The following NKAIN3 variants were observed in gnomAD, a reference collection of about 807,000 sequenced individuals.
NKAIN3 encodes the protein sodium/potassium-transporting ATPase subunit beta-1-interacting protein 3.
A neutral mutation model predicts 30.2 loss-of-function variants in NKAIN3; 25 were observed. That is an observed-to-expected ratio of 0.83 (90% CI 0.60 to 1.16). The LOEUF is 1.16. Ranked by LOEUF, NKAIN3 falls within the 50% of genes most tolerant of loss-of-function variation. The pLI is 0.00. For synonymous variants in NKAIN3, 91 were observed against 89.6 expected (o/e 1.02, Z -0.09); for missense variants, 225 against 254.1 (o/e 0.89, Z 0.78).
At chr8:62,788,255 T>G (rs1242684748) in intron 4 of NKAIN3, among the ~76,000 whole-genome samples, 1 of 152,248 alleles carries the variant, frequency 6.6e-6, no homozygotes, top group African/African-American at 2.4e-5. Context: ...TGGTATCTCA[T>G]TATGGTTTTG....
chr8:62,453,143 G>A (rs1242821116), intron 1 of NKAIN3, among the ~76,000 whole-genome samples: 1 of 152,124 alleles, frequency 6.6e-6, no homozygotes, highest in Non-Finnish European at 1.5e-5. Context: ...TTAAAAAGAT[G>A]TATATAAACC....
rs1422388834 is a variant in NKAIN3 at position 62,307,320 on chromosome 8, A to G, written c.54+58193A>G. ...TCAATGGAAATCAAGCCAAAATTCT[A>G]TATAAACCCTGTTCCCCTTGTCTCT... is the stretch of plus-strand genomic sequence containing the variant. On this transcript the variant is annotated intron_variant, in intron 1 of 6. Transcript: ENST00000623646. Among the ~76,000 whole-genome samples, 7 of 148,590 alleles carry G rather than the reference A, an allele frequency of 4.7e-5. 1 individual carries two copies. The highest frequency in any genetic ancestry group is 1.8e-4 in the African/African-American group (7 of 38,992).
intron 3 of NKAIN3, among the ~76,000 whole-genome samples, chr8:62,739,893 T>C (rs1339338703): frequency 1.3e-5 from 2 of 152,202 alleles, no homozygotes; most frequent in African/African-American, 4.8e-5. Flanking sequence ...CAAATGATTA[T>C]GACTTGCTCA....
rs1023293529 is a variant in NKAIN3 at position 62,967,000 on chromosome 8, C to G, written c.*1593C>G. 6.6e-6 allele frequency among the ~76,000 whole-genome samples: 1 copy of G among 152,204 alleles called. No homozygotes were observed. The highest frequency in any genetic ancestry group is 1.5e-5 in the Non-Finnish European group (1 of 68,040). Reference sequence around the variant, plus strand: ...CAAGCTCATCACAACCACAGTGAGCCATTTGGAGACCTAATTTACTCACTA... The same window carrying G: ...CAAGCTCATCACAACCACAGTGAGCGATTTGGAGACCTAATTTACTCACTA... On this transcript the variant is annotated 3_prime_UTR_variant, in exon 7 of 7. Transcript: ENST00000623646.
At chr8:62,748,766 A>G (rs2130587951) in intron 4 of NKAIN3, among the ~76,000 whole-genome samples, 1 of 152,312 alleles carries the variant, frequency 6.6e-6, no homozygotes, top group Non-Finnish European at 1.5e-5. Flanking sequence ...AAGGGATTGC[A>G]CCTTGATGGG....
At chr8:62,954,542 G>A (rs1823371157) in intron 6 of NKAIN3, among the ~76,000 whole-genome samples, 1 of 152,190 alleles carries the variant, frequency 6.6e-6, no homozygotes, top group African/African-American at 2.4e-5. Context: ...ATGAAAGGAA[G>A]TCAGCAACAA....
At chr8:62,896,973 GGAA>G (rs1205858761) in intron 4 of NKAIN3, among the ~76,000 whole-genome samples, 1 of 152,158 alleles carries the variant, frequency 6.6e-6, no homozygotes, top group Non-Finnish European at 1.5e-5. Context: ...GTGGGTAGAA[GGAA>G]GAAGCTATAA....
intron 5 of NKAIN3, among the ~76,000 whole-genome samples, chr8:62,927,040 C>T (rs1350216118): frequency 6.6e-6 from 1 of 152,130 alleles, no homozygotes; most frequent in African/African-American, 2.4e-5. Flanking sequence ...TAGAAATCAC[C>T]CTTGACTCCA....
intron 4 of NKAIN3, among the ~76,000 whole-genome samples, chr8:62,912,417 T>A (rs1311130083): frequency 6.6e-6 from 1 of 152,224 alleles, no homozygotes; most frequent in Non-Finnish European, 1.5e-5. Flanking sequence ...CTTTCTTCAA[T>A]AATAAATTCA....
At chr8:62,998,953 A>G (rs761163688) in intron 5 of NKAIN3, among the ~76,000 whole-genome samples, 13 of 152,156 alleles carry the variant, frequency 8.5e-5, no homozygotes, top group Non-Finnish European at 1.8e-4. Flanking sequence ...TTTAATTTGC[A>G]TTTCCCTAAT....
At chr8:62,742,515 C>T (rs1815936660) in intron 3 of NKAIN3, among the ~76,000 whole-genome samples, 1 of 152,158 alleles carries the variant, frequency 6.6e-6, no homozygotes, top group Non-Finnish European at 1.5e-5. Context: ...CAAAGTGGAA[C>T]ATTTTGGGGT....
At chr8:62,473,693 T>G (rs1024042498) in intron 1 of NKAIN3, among the ~76,000 whole-genome samples, 20 of 152,170 alleles carry the variant, frequency 1.3e-4, no homozygotes, top group Admixed American at 5.2e-4. Context: ...TCGTTTCTCC[T>G]GGTACTTGTC....
intron 1 of NKAIN3, among the ~76,000 whole-genome samples, chr8:62,553,230 C>A (rs1809272616): frequency 6.6e-6 from 1 of 152,096 alleles, no homozygotes; most frequent in African/African-American, 2.4e-5. Context: ...GTGTCAATAC[C>A]CACTTTATTT....
At chr8:62,687,009 T>C (rs1813819219) in intron 3 of NKAIN3, among the ~76,000 whole-genome samples, 2 of 152,206 alleles carry the variant, frequency 1.3e-5, no homozygotes, top group Admixed American at 6.5e-5. Context: ...TATCAAACAA[T>C]ATAATTACAT....
intron 3 of NKAIN3, among the ~76,000 whole-genome samples, chr8:62,630,674 C>T (rs1811928885): frequency 6.6e-6 from 1 of 152,154 alleles, no homozygotes; most frequent in Non-Finnish European, 1.5e-5. Context: ...TCATCACCCC[C>T]AAGTTCTGCA....
intron 1 of NKAIN3, among the ~76,000 whole-genome samples, chr8:62,375,590 AG>A (rs1381808392): frequency 6.6e-6 from 1 of 152,172 alleles, no homozygotes; most frequent in African/African-American, 2.4e-5. Flanking sequence ...TATTATATTT[AG>A]GACTGTCAAA....
At chr8:62,875,638 C>T (rs546322521) in intron 4 of NKAIN3, among the ~76,000 whole-genome samples, 12 of 152,136 alleles carry the variant, frequency 7.9e-5, no homozygotes, top group Admixed American at 6.5e-4. Flanking sequence ...TATAGGCCAA[C>T]GGAGCAGAAC....
chr8:62,693,188 T>C (rs1247919629), intron 3 of NKAIN3, among the ~76,000 whole-genome samples: 1 of 152,228 alleles, frequency 6.6e-6, no homozygotes, highest in Non-Finnish European at 1.5e-5. Flanking sequence ...AGGACAGAGA[T>C]AATTTGCCTC....
Position 62,966,514 on chromosome 8 carries a change from T to G in NKAIN3, c.*1107T>G, listed in dbSNP as rs1474441225. 1 of 418,638 alleles carries G rather than the reference T, an allele frequency of 2.4e-6. No homozygotes were observed. The highest frequency in any genetic ancestry group is 6.4e-5 in the Admixed American group (1 of 15,602). The allele number at this position is 418,638 out of a possible 1,614,324, so 25.9% of individuals were successfully genotyped here. A position where few individuals can be genotyped will look rare whatever the true frequency, so the allele number is the denominator to read the frequency against. The stretch of plus-strand genomic sequence containing the variant: ...TAGTTTTGAAAAATGTACATACCCA[T>G]GTAACCAAGGCCTCAATCAAAATGC... On this transcript the variant is annotated 3_prime_UTR_variant, in exon 7 of 7. Transcript: ENST00000623646.
Sources: allele counts gnomAD v4.1 joint callset (sites outside exome capture counted in the v4.1 genomes callset), GRCh38; gene constraint gnomAD v4.1.1; transcripts MANE v1.5; gene names NCBI Gene and HGNC (gene_info 2026-07-23, HGNC 2026-07-21).